TRMT11: variants seen among roughly 807,000 people sequenced by gnomAD.
TRMT11 encodes tRNA (guanine(10)-N(2))-methyltransferase TRMT11.
In TRMT11, 53 loss-of-function variants were observed where a neutral mutation model predicts 62.8. That is an observed-to-expected ratio of 0.84 (90% confidence interval 0.68 to 1.06). The LOEUF (loss-of-function observed/expected upper bound fraction) is 1.06. Among genes scored for constraint, TRMT11 ranks in the 50% least tolerant of loss-of-function variants. TRMT11 has a pLI of 0.00. For synonymous variants in TRMT11, 188 were observed against 190.3 expected (o/e 0.99, Z 0.10); for missense variants, 556 against 553.4 (o/e 1.00, Z -0.05).
chr6:126,060,000 T>C (rs1390950532), intron 17 of TRMT11, among the ~76,000 whole-genome samples: 1 of 152,208 alleles, frequency 6.6e-6, no homozygotes, highest in Non-Finnish European at 1.5e-5. Flanking sequence ...ATAAAAATCA[T>C]GGTCAATGGA....
intron 21 of TRMT11, among the ~76,000 whole-genome samples, chr6:126,124,447 C>T (rs1476541027): frequency 6.6e-6 from 1 of 152,078 alleles, no homozygotes; most frequent in Non-Finnish European, 1.5e-5. Flanking sequence ...CTGCATGCGT[C>T]CTTGTATTCA....
the TRMT11 span, among the ~76,000 whole-genome samples, chr6:126,247,475 A>ATCTATCTATCTATCTATCTGTCTG: frequency 1.3e-3 from 196 of 147,612 alleles, 1 homozygote; most frequent in African/African-American, 4.6e-3. Flanking sequence ...CTATCTATCT[A>ATCTATCTATCTATCTATCTGTCTG]TCTATCTATC....
chr6:126,023,392 G>A (rs901760460), intron 12 of TRMT11, among the ~76,000 whole-genome samples: 2 of 152,158 alleles, frequency 1.3e-5, no homozygotes, highest in Admixed American at 1.3e-4. Flanking sequence ...GCTCACGCCT[G>A]TAATCCCAGC....
At chr6:126,041,348 C>T (rs1401075087), downstream of TRMT11, among the ~76,000 whole-genome samples, 3 of 151,802 alleles carry the variant, frequency 2.0e-5, no homozygotes, top group African/African-American at 4.8e-5. Flanking sequence ...GTTTTATACT[C>T]GTAAATTAAA....
In TRMT11 at chr6:126,021,206, A is replaced by G; in HGVS notation, c.1186A>G (p.Ser396Gly). 1 of 1,614,216 alleles carries G rather than the reference A, an allele frequency of 6.2e-7. No homozygotes were observed. Among genetic ancestry groups the G allele is most frequent in the Non-Finnish European group, 8.5e-7 (1 of 1,180,024 alleles). Reference sequence around the variant, plus strand: ...TTGGCACCCTTGCCTGGAACTCGTTAGCAACTGCGAGCAGAAGCTTTCCAG... The same window carrying G: ...TTGGCACCCTTGCCTGGAACTCGTTGGCAACTGCGAGCAGAAGCTTTCCAG... ...VPWHPCLELV[S>G]NCEQKLSSHT... The change falls in exon 12 of 13, where the codon AGC (serine) becomes GGC (glycine). Residue 396 changes from serine to glycine, a missense_variant. By Grantham distance (56) the Ser-to-Gly change is moderately conservative. Coordinates refer to ENST00000334379, the MANE Select transcript of TRMT11 (RefSeq NM_001031712.3).
rs182880765 is a variant in TRMT11, at chr6:126,200,326, T to C, written n.371+426T>C. Among the ~76,000 whole-genome samples the C allele has an allele frequency of 5.5e-3, 844 of 152,244 alleles. 8 individuals carry two copies. The highest frequency in any genetic ancestry group is 0.018 in the African/African-American group (752 of 41,572). On this transcript the variant is annotated intron_variant and non_coding_transcript_variant, in intron 3 of 3. Coordinates refer to the TRMT11 transcript ENST00000444229. ...CATCAAATGAAGTAGGAAAGATACA[T>C]TGGGTGCAAGGCTATCATTACCATA...
chr6:126,155,521 C>A (rs1371915547), intron 21 of TRMT11, among the ~76,000 whole-genome samples: 5 of 152,218 alleles, frequency 3.3e-5, no homozygotes, highest in African/African-American at 4.8e-5. Context: ...CTCATTACAG[C>A]ATCAAGTCCA....
At chr6:126,073,825 G>A (rs1776931565) in intron 17 of TRMT11, among the ~76,000 whole-genome samples, 1 of 152,150 alleles carries the variant, frequency 6.6e-6, no homozygotes, top group East Asian at 1.9e-4. Context: ...AAGGAAATAT[G>A]TTTAGTTGAC....
At chr6:126,146,510 T>G (rs2128218687) in intron 21 of TRMT11, among the ~76,000 whole-genome samples, 2 of 151,934 alleles carry the variant, frequency 1.3e-5, no homozygotes, top group South Asian at 4.1e-4. Flanking sequence ...TTGTGATGAC[T>G]AAATGAAATT....
chr6:126,056,041 C>T (rs753454234), intron 17 of TRMT11, among the ~76,000 whole-genome samples: 21 of 152,154 alleles, frequency 1.4e-4, no homozygotes, highest in Non-Finnish European at 2.9e-4. Context: ...CATTGAAGCA[C>T]CCATGTGAAA....
chr6:126,087,100 T>G (rs1356050791), intron 17 of TRMT11, among the ~76,000 whole-genome samples: 1 of 152,246 alleles, frequency 6.6e-6, no homozygotes, highest in Non-Finnish European at 1.5e-5. Flanking sequence ...CTCCCTTTAT[T>G]AGTTCACAAA....
At chr6:126,254,454 T>C in the TRMT11 span, among the ~76,000 whole-genome samples, 2 of 152,240 alleles carry the variant, frequency 1.3e-5, no homozygotes, top group African/African-American at 4.8e-5. Flanking sequence ...TACCAAGCAC[T>C]GTGCCATGTG....
intron 21 of TRMT11, among the ~76,000 whole-genome samples, chr6:126,155,334 G>A (rs1778104502): frequency 1.3e-5 from 2 of 152,058 alleles, no homozygotes; most frequent in Admixed American, 1.3e-4. Context: ...CAGCCCCCAT[G>A]GCCAAAACAC....
chr6:126,169,570 G>C (rs184892865), intron 21 of TRMT11, among the ~76,000 whole-genome samples: 19 of 152,260 alleles, frequency 1.2e-4, no homozygotes, highest in Admixed American at 1.2e-3. Context: ...TGGAGTTATG[G>C]CTTCTTCAAA....
chr6:126,129,275 G>T (rs1337821084), intron 21 of TRMT11, among the ~76,000 whole-genome samples: 3 of 152,076 alleles, frequency 2.0e-5, no homozygotes, highest in African/African-American at 7.2e-5. Context: ...GCTTTCCCAT[G>T]TATACAATGG....
chr6:126,135,061 C>T (rs1777835605), intron 21 of TRMT11, among the ~76,000 whole-genome samples: 1 of 151,414 alleles, frequency 6.6e-6, no homozygotes, highest in South Asian at 2.1e-4. Flanking sequence ...AAATAATTAA[C>T]CTAACAATTC....
At chr6:126,139,449 A>G (rs1343802707) in intron 21 of TRMT11, among the ~76,000 whole-genome samples, 2 of 152,016 alleles carry the variant, frequency 1.3e-5, no homozygotes, top group Non-Finnish European at 2.9e-5. Context: ...GCTCACTGCA[A>G]TCTCTGCCTC....
chr6:126,188,810 T>A (rs1213181354), intron 1 of TRMT11, among the ~76,000 whole-genome samples: 1 of 152,150 alleles, frequency 6.6e-6, no homozygotes, highest in East Asian at 1.9e-4. Context: ...AATTTCAAAA[T>A]AAATCTGACA....
chr6:126,002,095 A>G (rs987786462), intron 7 of TRMT11, among the ~76,000 whole-genome samples: 1 of 152,084 alleles, frequency 6.6e-6, no homozygotes, highest in African/African-American at 2.4e-5. Flanking sequence ...CTCTGGTATC[A>G]GTCATTTTTC....
Sources: gnomAD v4.1 joint callset for allele counts (sites outside exome capture counted in the v4.1 genomes callset) on GRCh38, gnomAD v4.1.1 for gene constraint, MANE v1.5 for transcripts, NCBI Gene and HGNC (gene_info 2026-07-23, HGNC 2026-07-21) for gene names.